SSTR3: variants seen among roughly 807,000 people sequenced by gnomAD.
The protein encoded by SSTR3 is somatostatin receptor 3.
For synonymous variants in SSTR3, 281 were observed against 269.2 expected, an observed-to-expected ratio of 1.04 and a Z score of -0.43; for missense variants, 504 against 604.7, an observed-to-expected ratio of 0.83 and a Z score of 1.75.
Position 37,206,748 on chromosome 22 carries a change from A to C in SSTR3, c.1056T>G (p.Asp352Glu), listed in dbSNP as rs748085660. 56 of 1,606,582 alleles carry C rather than the reference A, an allele frequency of 3.5e-5. 1 individual carries two copies. In the South Asian group the frequency reaches 6.1e-4, roughly 17 times the overall value. Residue 352 changes from aspartate (D) to glutamate (E), a missense_variant, in exon 2 of 2, where the codon GAT (aspartate) becomes GAG (glutamate). Asp to Glu is a conservative substitution (Grantham distance 45). Transcript: ENST00000610913. ...TCTCCTCCCCATCCTCCTCCTCCTC[A>C]TCCTCCTCCTCAGTCTTCTCCGGGG... ...VGPPEKTEEE[D>E]EEEEDGEESR...
the SSTR3 span, among the ~76,000 whole-genome samples, chr22:37,218,691 AC>A: frequency 1.5e-4 from 23 of 151,654 alleles, no homozygotes; most frequent in Non-Finnish European, 2.8e-4. Context: ...GTGGTGCCTC[AC>A]CCCCACTCTG....
upstream of SSTR3, among the ~76,000 whole-genome samples, chr22:37,213,209 G>A (rs1289074725): frequency 2.0e-5 from 3 of 152,180 alleles, no homozygotes; most frequent in African/African-American, 2.4e-5. Flanking sequence ...GATTTGCCCC[G>A]TGGGCCATAT....
rs142511494 is a variant in SSTR3 at position 37,209,178 on chromosome 22, C to T, written c.-36-1339G>A. 1.9e-4 allele frequency among the ~76,000 whole-genome samples: 29 copies of T among 152,330 alleles called. 1 individual carries two copies. In the East Asian group the frequency reaches 5.2e-3, roughly 27 times the overall value. On this transcript the variant is annotated intron_variant, in intron 1 of 1. Transcript: ENST00000610913. ...CCTCCCTCCAATGGGAGCTGTGGTC[C>T]GCACTGCCCTATATGGATGTCACTG... is the stretch of plus-strand genomic sequence containing the variant.
chr22:37,206,351 G>A lies in SSTR3; in HGVS notation c.*196C>T. ...CCAGGCTGATGACTCCTATCCCTGA[G>A]TCACAGAGGAGAAAACAAGGCCCAG... is the stretch of plus-strand genomic sequence containing the variant. On this transcript the variant is annotated 3_prime_UTR_variant, in exon 2 of 2. Transcript: ENST00000610913. 1.3e-6 allele frequency: 1 copy of A among 789,042 alleles called. No individual in the cohort carries two copies. Among genetic ancestry groups the A allele is most frequent in the South Asian group, 2.0e-5 (1 of 49,664 alleles). 48.9% of individuals were successfully genotyped at this position (789,042 alleles called of 1,614,324 possible).
Position 37,207,346 on chromosome 22 carries a change from C to T in SSTR3, c.458G>A (p.Arg153His), listed in dbSNP as rs558818233. The T allele has an allele frequency of 1.3e-5, 21 of 1,604,328 alleles. No homozygotes were observed. Among genetic ancestry groups the T allele is most frequent in the East Asian group, 8.9e-5 (4 of 44,792 alleles). ...GCGGGCCACCGGAGCTGTGCGCCAG[C>T]GGGCCGAGCGGGTGGGATGTACCAC... ...LAVVHPTRSARWRTAPVARTV... is the reference protein window; with the variant it reads ...LAVVHPTRSAHWRTAPVARTV... The change falls in exon 2 of 2, where the codon CGC becomes CAC. Residue 153 changes from arginine (R) to histidine (H), a missense_variant. Arg to His is a conservative substitution (Grantham distance 29). Transcript: ENST00000610913.
At chr22:37,210,676 G>C in intron 1 of SSTR3, 2 of 985,386 alleles carry the variant, frequency 2.0e-6, no homozygotes, top group Non-Finnish European at 2.4e-6. Context: ...GCTGGGGGCG[G>C]ACTCCTTGGA....
At position 37,204,730 on chromosome 22, in the gene SSTR3, C is replaced by T. The variant is rs1925613288; in HGVS notation, c.*1817G>A. On this transcript the variant is annotated 3_prime_UTR_variant, in exon 2 of 2. Coordinates refer to ENST00000610913, the MANE Select transcript of SSTR3 (RefSeq NM_001051.5). ...CCATTGCAGTGAGCCTGGAAGTTAC[C>T]TCACATGACTCATTTTCTCGTTAGA... 1 of 152,234 alleles carries T rather than the reference C, an allele frequency of 6.6e-6. No homozygotes were observed. Among genetic ancestry groups the T allele is most frequent in the Non-Finnish European group, 1.5e-5 (1 of 68,052 alleles). The allele number at this position is 152,234 out of a possible 1,614,324, so 9.4% of individuals were successfully genotyped here.
rs1351121455 is a variant in SSTR3, at chr22:37,205,020, G to C, written c.*1527C>G. The C allele has an allele frequency of 6.6e-6, 1 of 152,482 alleles. No individual in the cohort carries two copies. The highest frequency in any genetic ancestry group is 1.5e-5 in the Non-Finnish European group (1 of 68,280). The allele number at this position is 152,482 out of a possible 1,614,324, so 9.4% of individuals were successfully genotyped here. A position where few individuals can be genotyped will look rare whatever the true frequency, so the allele number is the denominator to read the frequency against. ...TGGGAGGGAGTCTAGGCCCAGCCTTGGATGGTGGCTGCTCCCCATGGTCCC... is the reference window on the plus strand; with the variant it reads ...TGGGAGGGAGTCTAGGCCCAGCCTTCGATGGTGGCTGCTCCCCATGGTCCC... On this transcript the variant is annotated 3_prime_UTR_variant, in exon 2 of 2. Coordinates refer to ENST00000610913, the MANE Select transcript of SSTR3 (RefSeq NM_001051.5).
At chr22:37,213,817 TC>T (rs1438535042), upstream of SSTR3, among the ~76,000 whole-genome samples, 1 of 152,260 alleles carries the variant, frequency 6.6e-6, no homozygotes, top group South Asian at 2.1e-4. Context: ...CATCCTTGAT[TC>T]CTGCCGCCTG....
chr22:37,216,323 C>T (rs543070294), upstream of SSTR3, among the ~76,000 whole-genome samples: 1 of 152,194 alleles, frequency 6.6e-6, no homozygotes, highest in South Asian at 2.1e-4. Flanking sequence ...TCTACTGACT[C>T]CTCTTACAGT....
At chr22:37,213,692 G>A (rs1601659795), upstream of SSTR3, among the ~76,000 whole-genome samples, 1 of 152,200 alleles carries the variant, frequency 6.6e-6, no homozygotes, top group East Asian at 1.9e-4. Context: ...GGGCTCCTGG[G>A]AGCGTGTCCT....
At chr22:37,217,031 G>T (rs1040383383), upstream of SSTR3, among the ~76,000 whole-genome samples, 2 of 152,078 alleles carry the variant, frequency 1.3e-5, no homozygotes, top group African/African-American at 2.4e-5. Context: ...GAACTCCTGG[G>T]CTCAAGTGAT....
chr22:37,207,300 C>G lies in SSTR3; in HGVS notation c.504G>C (p.Trp168Cys). 1 of 1,592,112 alleles carries G rather than the reference C, an allele frequency of 6.3e-7. No individual in the cohort carries two copies. The highest frequency in any genetic ancestry group is 1.7e-4 in the Middle Eastern group (1 of 5,942). ...PVARTVSAAV[W>C]VASAVVVLPV... is the part of the protein sequence containing the mutation. ...GCAGCACCACCACGGCTGAGGCCAC[C>G]CACACAGCCGCGCTGACCGTGCGGG... is the stretch of plus-strand genomic sequence containing the variant. Residue 168 changes from tryptophan (W) to cysteine (C), a missense_variant, in exon 2 of 2, where the codon TGG (tryptophan) becomes TGC (cysteine). By Grantham distance (215) the Trp-to-Cys change is radical (BLOSUM62 -2). Coordinates refer to ENST00000610913, the MANE Select transcript of SSTR3 (RefSeq NM_001051.5).
chr22:37,219,585 G>C, the SSTR3 span, among the ~76,000 whole-genome samples: 1 of 152,150 alleles, frequency 6.6e-6, no homozygotes, highest in Non-Finnish European at 1.5e-5. Flanking sequence ...TATCTCTCTG[G>C]AGCGTGGTAG....
Position 37,206,451 on chromosome 22 carries a change from A to T in SSTR3, c.*96T>A. On this transcript the variant is annotated 3_prime_UTR_variant, in exon 2 of 2. Coordinates refer to ENST00000610913, the MANE Select transcript of SSTR3 (RefSeq NM_001051.5). ...AGCATCAAAGTCCAGGCCCCTCAAC[A>T]TCCCATCATGGGCCTGTGGCACCTT... 2.0e-6 allele frequency: 3 copies of T among 1,493,720 alleles called. No homozygotes were observed. Among genetic ancestry groups the T allele is most frequent in the Non-Finnish European group, 2.7e-6 (3 of 1,127,362 alleles). 92.5% of individuals were successfully genotyped at this position (1,493,720 alleles called of 1,614,324 possible). A position where few individuals can be genotyped will look rare whatever the true frequency, so the allele number is the denominator to read the frequency against.
chr22:37,207,700 G>C lies in SSTR3; in HGVS notation c.104C>G (p.Pro35Arg). 1 of 1,554,758 alleles carries C rather than the reference G, an allele frequency of 6.4e-7. No homozygotes were observed. Among genetic ancestry groups the C allele is most frequent in the Non-Finnish European group, 8.7e-7 (1 of 1,147,958 alleles). Residue 35 changes from proline (P) to arginine (R), a missense_variant, in exon 2 of 2, where the codon CCA (proline) becomes CGA (arginine). Pro to Arg is a moderately radical substitution (Grantham distance 103). Transcript: ENST00000610913. ...ACTGACGGCCAGCCCTGCCGGGCTT[G>C]GGCCCGCCGACACGTTGCCCAGGGT... ...DATLGNVSAGPSPAGLAVSGV... is the reference protein window; with the variant it reads ...DATLGNVSAGRSPAGLAVSGV...
Position 37,206,502 on chromosome 22 carries a change from C to T in SSTR3, c.*45G>A, listed in dbSNP as rs779170872. ...GGGAAGTAGGCCCTAGGCACACCCA[C>T]GGCTTCTGCCTCTTCCTCGGGCCAT... is the stretch of plus-strand genomic sequence containing the variant. On this transcript the variant is annotated 3_prime_UTR_variant, in exon 2 of 2. Coordinates refer to ENST00000610913, the MANE Select transcript of SSTR3 (RefSeq NM_001051.5). 2.2e-5 allele frequency: 34 copies of T among 1,551,092 alleles called. No homozygotes were observed. The highest frequency in any genetic ancestry group is 2.0e-4 in the East Asian group (9 of 44,388).
the SSTR3 span, among the ~76,000 whole-genome samples, chr22:37,217,881 T>G: frequency 2.0e-5 from 3 of 152,124 alleles, no homozygotes; most frequent in Admixed American, 1.3e-4. Context: ...TTTTTGTAAT[T>G]TTAGTAGAGA....
At chr22:37,211,092 A>C in intron 1 of SSTR3, 1 of 468,122 alleles carries the variant, frequency 2.1e-6, no homozygotes, top group Non-Finnish European at 2.8e-6. Context: ...ATTCGAACCC[A>C]GTTCTATCTA....
Sources: gnomAD v4.1 joint callset for allele counts (sites outside exome capture counted in the v4.1 genomes callset) on GRCh38, gnomAD v4.1.1 for gene constraint, MANE v1.5 for transcripts, NCBI Gene and HGNC (gene_info 2026-07-23, HGNC 2026-07-21) for gene names.